The following CSNK2A2IP variants were observed in gnomAD, a reference collection of about 807,000 sequenced individuals.
CSNK2A2IP encodes casein kinase II subunit alpha'-interacting protein.
chr3:88,410,122 T>C, the CSNK2A2IP span, among the ~76,000 whole-genome samples: 1 of 151,936 alleles, frequency 6.6e-6, no homozygotes, highest in African/African-American at 2.4e-5. Context: ...ACTAAAAACA[T>C]ATGGGGGTTT....
At chr3:88,456,840 A>G in the CSNK2A2IP span, among the ~76,000 whole-genome samples, 1 of 151,870 alleles carries the variant, frequency 6.6e-6, no homozygotes. Context: ...CTAATACTAG[A>G]CTGTTTTGGC....
chr3:88,405,367 G>A, the CSNK2A2IP span, among the ~76,000 whole-genome samples: 9 of 152,028 alleles, frequency 5.9e-5, no homozygotes, highest in South Asian at 2.1e-4. Context: ...TTTAACCTCC[G>A]GTGAGCTTAG....
At chr3:88,372,317 C>T in the CSNK2A2IP span, among the ~76,000 whole-genome samples, 1 of 151,084 alleles carries the variant, frequency 6.6e-6, no homozygotes, top group South Asian at 2.1e-4. Context: ...TACCTTTGCA[C>T]CAATCTAACA....
the CSNK2A2IP span, among the ~76,000 whole-genome samples, chr3:88,340,156 G>A: frequency 1.3e-5 from 2 of 151,962 alleles, no homozygotes; most frequent in African/African-American, 2.4e-5. Context: ...TTATAGCTAA[G>A]TAATTTTCTT....
At chr3:88,460,625 A>C in the CSNK2A2IP span, among the ~76,000 whole-genome samples, 1 of 152,188 alleles carries the variant, frequency 6.6e-6, no homozygotes, top group African/African-American at 2.4e-5. Context: ...AAATACACAT[A>C]CTGTAAGTGT....
chr3:88,367,053 C>T, the CSNK2A2IP span, among the ~76,000 whole-genome samples: 1 of 152,040 alleles, frequency 6.6e-6, no homozygotes, highest in Non-Finnish European at 1.5e-5. Context: ...TCCCACAATA[C>T]ATGGGAATTA....
chr3:88,403,471 G>A, the CSNK2A2IP span, among the ~76,000 whole-genome samples: 1 of 152,112 alleles, frequency 6.6e-6, no homozygotes, highest in African/African-American at 2.4e-5. Flanking sequence ...GGATTGTAAT[G>A]GGGCAGCTTT....
chr3:88,365,429 G>T, the CSNK2A2IP span, among the ~76,000 whole-genome samples: 1 of 152,108 alleles, frequency 6.6e-6, no homozygotes, highest in African/African-American at 2.4e-5. Flanking sequence ...TTGTCATATT[G>T]AATGAGTTTC....
At chr3:88,465,615 G>T in the CSNK2A2IP span, 35 of 1,231,650 alleles carry the variant, frequency 2.8e-5, no homozygotes, top group Non-Finnish European at 3.4e-5. Flanking sequence ...TCTGTGATAG[G>T]TTTCTGAATT....
chr3:88,360,860 G>C, the CSNK2A2IP span, among the ~76,000 whole-genome samples: 1 of 151,432 alleles, frequency 6.6e-6, no homozygotes, highest in African/African-American at 2.4e-5. Flanking sequence ...GTTTGGCTTT[G>C]TGGTTACCAT....
the CSNK2A2IP span, among the ~76,000 whole-genome samples, chr3:88,458,984 T>A: frequency 2.7e-3 from 409 of 152,272 alleles, 1 homozygote; most frequent in African/African-American, 9.2e-3. Context: ...ATCAGTTAGC[T>A]CAAGTTAGTT....
chr3:88,390,313 T>C, the CSNK2A2IP span, among the ~76,000 whole-genome samples: 1 of 152,158 alleles, frequency 6.6e-6, no homozygotes, highest in South Asian at 2.1e-4. Context: ...TTGGTAAAGG[T>C]TAAACATCAG....
chr3:88,374,727 A>G, the CSNK2A2IP span, among the ~76,000 whole-genome samples: 1 of 151,724 alleles, frequency 6.6e-6, no homozygotes, highest in Non-Finnish European at 1.5e-5. Context: ...TTTGCTTTAA[A>G]TTCTTGAGGT....
At chr3:88,340,031 G>A in the CSNK2A2IP span, among the ~76,000 whole-genome samples, 66,552 of 151,732 alleles carry the variant, frequency 0.44, 15,846 homozygotes, top group South Asian at 0.62. Context: ...GCCTATTTGC[G>A]AGGACACGGA....
chr3:88,418,796 C>G, the CSNK2A2IP span, among the ~76,000 whole-genome samples: 1 of 152,104 alleles, frequency 6.6e-6, no homozygotes, highest in African/African-American at 2.4e-5. Flanking sequence ...GTCCCCAACA[C>G]CTAGGCCACT....
chr3:88,384,463 C>T, the CSNK2A2IP span, among the ~76,000 whole-genome samples: 1 of 151,904 alleles, frequency 6.6e-6, no homozygotes, highest in Non-Finnish European at 1.5e-5. Context: ...GGCTCTGAGG[C>T]TGGAAAGAAC....
the CSNK2A2IP span, among the ~76,000 whole-genome samples, chr3:88,454,974 A>G: frequency 9.5e-5 from 14 of 147,974 alleles, 1 homozygote; most frequent in Admixed American, 7.4e-4. Context: ...TATAAGTGAG[A>G]TCATGCATAT....
At chr3:88,426,513 G>A in the CSNK2A2IP span, among the ~76,000 whole-genome samples, 6 of 152,076 alleles carry the variant, frequency 3.9e-5, no homozygotes, top group South Asian at 2.1e-4. Flanking sequence ...CTCTGTGTTC[G>A]CACCCAAATC....
the CSNK2A2IP span, among the ~76,000 whole-genome samples, chr3:88,454,078 A>T: frequency 6.6e-6 from 1 of 152,030 alleles, no homozygotes; most frequent in African/African-American, 2.4e-5. Flanking sequence ...CAATTCCTCC[A>T]CATCTTTGTA....
Sources: gnomAD v4.1 joint callset for allele counts (sites outside exome capture counted in the v4.1 genomes callset) on GRCh38, gnomAD v4.1.1 for gene constraint, MANE v1.5 for transcripts, NCBI Gene and HGNC (gene_info 2026-07-23, HGNC 2026-07-21) for gene names.